PUDP: variants seen among roughly 807,000 people sequenced by gnomAD.
PUDP encodes the protein pseudouridine 5'-phosphatase, also known as pseudouridine-5'-phosphatase.
PUDP carries 8 observed loss-of-function variants against 9.4 expected under a neutral mutation model. The observed-to-expected ratio is 0.85, with a 90% CI of 0.50 to 1.53. The LOEUF is 1.53. Ranked by LOEUF, PUDP falls within the 40% of genes most tolerant of loss-of-function variation. The pLI, the probability that PUDP is intolerant of heterozygous loss-of-function variation, is 0.00. For synonymous variants in PUDP, 99 were observed against 80.7 expected, an observed-to-expected ratio of 1.23 and a Z score of -1.22; for missense variants, 188 against 189.7, an observed-to-expected ratio of 0.99 and a Z score of 0.05.
intron 3 of PUDP, among the ~76,000 whole-genome samples, chrX:6,757,199 C>A (rs189998995): frequency 2.1e-3 from 237 of 111,510 alleles, no homozygotes; most frequent in Non-Finnish European, 2.8e-3. Flanking sequence ...GTAGATAGAG[C>A]CGGATGATCC....
chrX:6,720,230 G>C (rs868288202), intron 1 of PUDP, among the ~76,000 whole-genome samples: 1 of 78,352 alleles, frequency 1.3e-5, no homozygotes, highest in Non-Finnish European at 2.3e-5. Context: ...GTGTATATAT[G>C]TGTGTATATA....
intron 3 of PUDP, among the ~76,000 whole-genome samples, chrX:6,913,014 T>C (rs1227049812): frequency 1.8e-5 from 2 of 112,305 alleles, no homozygotes; most frequent in Non-Finnish European, 3.8e-5. Flanking sequence ...TACATGAATA[T>C]AGCAGAATCA....
At chrX:6,812,638 T>C (rs958728528) in intron 3 of PUDP, among the ~76,000 whole-genome samples, 2 of 112,160 alleles carry the variant, frequency 1.8e-5, no homozygotes, top group South Asian at 3.7e-4. Flanking sequence ...TAGAAAAGTA[T>C]GATAGGGTTT....
intron 3 of PUDP, among the ~76,000 whole-genome samples, chrX:6,899,321 C>T (rs1009927874): frequency 4.4e-5 from 5 of 112,814 alleles, no homozygotes; most frequent in African/African-American, 6.4e-5. Flanking sequence ...CACTGGCTTA[C>T]GCCTGTCATC....
intron 3 of PUDP, among the ~76,000 whole-genome samples, chrX:6,738,501 A>G (rs991199572): frequency 3.6e-5 from 4 of 111,826 alleles, no homozygotes; most frequent in Non-Finnish European, 7.5e-5. Context: ...ATCCAGGCAT[A>G]TGTATTTTTG....
chrX:6,979,752 T>C (rs1019776606), intron 1 of PUDP, among the ~76,000 whole-genome samples: 26 of 110,887 alleles, frequency 2.3e-4, no homozygotes, highest in African/African-American at 8.2e-4. Context: ...AATAAATATG[T>C]TTATTATATT....
intron 1 of PUDP, among the ~76,000 whole-genome samples, chrX:6,711,881 G>T (rs1724793518): frequency 8.9e-6 from 1 of 112,246 alleles, no homozygotes; most frequent in Non-Finnish European, 1.9e-5. Flanking sequence ...CAGGGCCTGG[G>T]TGCCTCAGGC....
chrX:6,762,542 G>A (rs906144707), intron 3 of PUDP, among the ~76,000 whole-genome samples: 1 of 112,433 alleles, frequency 8.9e-6, no homozygotes, highest in African/African-American at 3.2e-5. Flanking sequence ...GAAAGAATGA[G>A]TGAGGAAATG....
intron 1 of PUDP, among the ~76,000 whole-genome samples, chrX:7,137,608 C>A (rs1437668231): frequency 1.8e-5 from 2 of 112,291 alleles, no homozygotes; most frequent in African/African-American, 6.5e-5. Flanking sequence ...TGTGACAAAG[C>A]CATGAGTGTC....
chrX:7,112,546 G>T (rs1360778619), intron 1 of PUDP, among the ~76,000 whole-genome samples: 1 of 112,219 alleles, frequency 8.9e-6, no homozygotes, highest in African/African-American at 3.2e-5. Context: ...CCAGTGTTTT[G>T]TGTTAGATAG....
rs963289555 is a variant in PUDP at position 6,997,632 on chromosome X, A to G, written c.205-19289T>C. Among the ~76,000 whole-genome samples, 3 of 112,208 alleles carry G rather than the reference A, an allele frequency of 2.7e-5. No individual in the cohort carries two copies. The Admixed American group carries it at 2.8e-4, about 11-fold the overall frequency. ...GAAAACTGAAAATTAAAATGAACAA[A>G]TGTTCTGATTTTTCAAAGATTAGAA... On this transcript the variant is annotated intron_variant and NMD_transcript_variant, in intron 1 of 3. Coordinates refer to the PUDP transcript ENST00000655425.
At chrX:6,953,453 A>C (rs923979382) in intron 3 of PUDP, among the ~76,000 whole-genome samples, 1 of 105,417 alleles carries the variant, frequency 9.5e-6, no homozygotes, top group Non-Finnish European at 2.0e-5. Context: ...CTTACATTTC[A>C]TAAGAAATGT....
At chrX:7,106,213 G>C (rs1246970360) in intron 1 of PUDP, among the ~76,000 whole-genome samples, 1 of 113,032 alleles carries the variant, frequency 8.8e-6, no homozygotes, top group Non-Finnish European at 1.9e-5. Flanking sequence ...ATGGAAGCCA[G>C]CACCAGCTGA....
chrX:7,031,693 A>G (rs186756035), intron 1 of PUDP, among the ~76,000 whole-genome samples: 152 of 112,822 alleles, frequency 1.3e-3, no homozygotes, highest in African/African-American at 4.4e-3. Context: ...TCAATGGGAA[A>G]ATAATAGTCT....
intron 1 of PUDP, among the ~76,000 whole-genome samples, chrX:6,996,650 G>GTA (rs1309270238): frequency 9.8e-5 from 10 of 102,507 alleles, no homozygotes; most frequent in Admixed American, 4.4e-4. Context: ...ATGTGTGTGT[G>GTA]TATATATATA....
chrX:7,003,877 G>C (rs1295529497), intron 1 of PUDP, among the ~76,000 whole-genome samples: 1 of 111,186 alleles, frequency 9.0e-6, no homozygotes, highest in Non-Finnish European at 1.9e-5. Context: ...TGGTTCCATG[G>C]TTTTATTTTT....
At chrX:7,122,449 C>T (rs1426035932) in intron 1 of PUDP, among the ~76,000 whole-genome samples, 2 of 111,688 alleles carry the variant, frequency 1.8e-5, no homozygotes, top group Non-Finnish European at 3.8e-5. Flanking sequence ...ACTTCCTTTC[C>T]TTCTCGCTTT....
intron 3 of PUDP, among the ~76,000 whole-genome samples, chrX:6,809,715 A>C (rs1382536878): frequency 1.8e-5 from 2 of 111,479 alleles, no homozygotes; most frequent in African/African-American, 6.5e-5. Flanking sequence ...TAATATGCAA[A>C]CCACGATATA....
chrX:6,732,938 G>T (rs1924827037), intron 3 of PUDP, among the ~76,000 whole-genome samples: 1 of 111,688 alleles, frequency 9.0e-6, no homozygotes, highest in Non-Finnish European at 1.9e-5. Flanking sequence ...CGGCCCGCAC[G>T]GACCATAAAT....
Sources: allele counts gnomAD v4.1 joint callset (sites outside exome capture counted in the v4.1 genomes callset), GRCh38; gene constraint gnomAD v4.1.1; transcripts MANE v1.5; gene names NCBI Gene and HGNC (gene_info 2026-07-23, HGNC 2026-07-21).